ARHGAP26: variants seen among roughly 807,000 people sequenced by gnomAD.
ARHGAP26 encodes the protein Rho GTPase activating protein 26, also known as rho GTPase-activating protein 26.
In ARHGAP26, 38 loss-of-function variants were observed where a neutral mutation model predicts 104.8. The observed-to-expected ratio is 0.36, with a 90% CI of 0.28 to 0.48. The LOEUF (loss-of-function observed/expected upper bound fraction) is 0.48. Among genes scored for constraint, ARHGAP26 ranks in the 20% least tolerant of loss-of-function variants. The pLI, the probability that ARHGAP26 is intolerant of heterozygous loss-of-function variation, is 0.99. For synonymous variants in ARHGAP26, 341 were observed against 340.0 expected, an observed-to-expected ratio of 1.00 and a Z score of -0.03; for missense variants, 704 against 947.9, an observed-to-expected ratio of 0.74 and a Z score of 3.38.
intron 1 of ARHGAP26, among the ~76,000 whole-genome samples, chr5:142,811,468 G>C (rs1399217782): frequency 6.6e-6 from 1 of 152,114 alleles, no homozygotes; most frequent in Non-Finnish European, 1.5e-5. Context: ...TTCCAATCCT[G>C]GCCTGTCCGT....
chr5:142,881,339 G>A (rs1756971960), intron 4 of ARHGAP26, among the ~76,000 whole-genome samples: 3 of 152,182 alleles, frequency 2.0e-5, no homozygotes, highest in Admixed American at 2.0e-4. Flanking sequence ...TTACCAAGGA[G>A]GTGAGGCAAG....
At chr5:142,947,632 T>G (rs1224757778) in intron 11 of ARHGAP26, among the ~76,000 whole-genome samples, 1 of 152,218 alleles carries the variant, frequency 6.6e-6, no homozygotes, top group Non-Finnish European at 1.5e-5. Flanking sequence ...CACCTATTAC[T>G]CACTGAATTA....
At chr5:142,962,817 A>G (rs1393128561) in intron 11 of ARHGAP26, among the ~76,000 whole-genome samples, 1 of 151,996 alleles carries the variant, frequency 6.6e-6, no homozygotes, top group East Asian at 1.9e-4. Flanking sequence ...CTTTTATTTT[A>G]AGTTCAGGGG....
At chr5:142,808,966 C>T (rs1763558868) in intron 1 of ARHGAP26, among the ~76,000 whole-genome samples, 1 of 152,212 alleles carries the variant, frequency 6.6e-6, no homozygotes, top group Non-Finnish European at 1.5e-5. Context: ...TACTCTGGCA[C>T]CTTGCCCATC....
chr5:142,881,992 C>G (rs1319623941), intron 4 of ARHGAP26, among the ~76,000 whole-genome samples: 2 of 152,142 alleles, frequency 1.3e-5, no homozygotes, highest in African/African-American at 2.4e-5. Flanking sequence ...GAGTAGGGCA[C>G]GACCCCTGGT....
intron 18 of ARHGAP26, among the ~76,000 whole-genome samples, chr5:143,126,965 T>C (rs1046974121): frequency 1.3e-5 from 2 of 152,230 alleles, no homozygotes; most frequent in African/African-American, 4.8e-5. Flanking sequence ...GCAACCAATA[T>C]TTTTATGCTT....
chr5:142,786,583 A>G (rs1390074611), intron 1 of ARHGAP26, among the ~76,000 whole-genome samples: 1 of 151,632 alleles, frequency 6.6e-6, no homozygotes, highest in East Asian at 1.9e-4. Context: ...CATCCCTGAT[A>G]TCTCAGTTAT....
intron 11 of ARHGAP26, among the ~76,000 whole-genome samples, chr5:143,007,109 C>T (rs1394550782): frequency 4.0e-5 from 6 of 149,296 alleles, no homozygotes; most frequent in Middle Eastern, 3.2e-3. Context: ...ACAGGTGAAT[C>T]GCTTGAACCC....
intron 11 of ARHGAP26, among the ~76,000 whole-genome samples, chr5:142,945,825 A>G (rs893881938): frequency 6.6e-6 from 1 of 152,218 alleles, no homozygotes; most frequent in Non-Finnish European, 1.5e-5. Context: ...ATTATTATCT[A>G]TTTTACAAGT....
At chr5:142,982,038 A>C (rs1408057834) in intron 11 of ARHGAP26, among the ~76,000 whole-genome samples, 1 of 152,342 alleles carries the variant, frequency 6.6e-6, no homozygotes, top group East Asian at 1.9e-4. Flanking sequence ...CTGCTGCTGC[A>C]TGTAAGCTAG....
chr5:142,844,714 G>A (rs1405374286), intron 1 of ARHGAP26, among the ~76,000 whole-genome samples: 2 of 151,942 alleles, frequency 1.3e-5, no homozygotes, highest in African/African-American at 4.8e-5. Context: ...AATTAGCCGG[G>A]CCTGGTGGTG....
intron 11 of ARHGAP26, among the ~76,000 whole-genome samples, chr5:142,986,424 G>C (rs1304425076): frequency 7.9e-5 from 12 of 152,106 alleles, no homozygotes; most frequent in Non-Finnish European, 1.6e-4. Context: ...TGTCAGATGG[G>C]TAGATTGTAA....
rs1770567184 is a variant in ARHGAP26, at chr5:142,963,164, G to GAGA, written c.1107+31039_1107+31040insAGA. ...TTTTATGGCTGTGTAGTATTCCATG[G>GAGA]TATATATGTATATATATATATATAT... is the stretch of plus-strand genomic sequence containing the variant. On this transcript the variant is annotated intron_variant, in intron 11 of 22. Transcript: ENST00000645722. 2.6e-5 allele frequency among the ~76,000 whole-genome samples: 2 copies of GAGA among 75,506 alleles called. 1 individual carries two copies. Among genetic ancestry groups the GAGA allele is most frequent in the South Asian group, 1.3e-3 (2 of 1,594 alleles). 49.5% of individuals were successfully genotyped at this position (75,506 alleles called of 152,430 possible). A position where few individuals can be genotyped will look rare whatever the true frequency, so the allele number is the denominator to read the frequency against.
At chr5:142,776,338 G>C (rs760583376) in intron 1 of ARHGAP26, among the ~76,000 whole-genome samples, 24 of 152,100 alleles carry the variant, frequency 1.6e-4, no homozygotes, top group Non-Finnish European at 3.4e-4. Context: ...CATCATCCTA[G>C]TCCTGTTTTA....
chr5:142,941,817 C>T (rs536794629), intron 11 of ARHGAP26, among the ~76,000 whole-genome samples: 35 of 152,106 alleles, frequency 2.3e-4, no homozygotes, highest in Non-Finnish European at 3.7e-4. Flanking sequence ...ATGAAATTTT[C>T]TAAGAAATGG....
chr5:143,067,583 G>C (rs1189278468), intron 17 of ARHGAP26, among the ~76,000 whole-genome samples: 2 of 152,146 alleles, frequency 1.3e-5, no homozygotes, highest in African/African-American at 4.8e-5. Flanking sequence ...TCTTCCAGCA[G>C]TTTAGCATCC....
chr5:142,777,646 C>T (rs62383266), intron 1 of ARHGAP26, among the ~76,000 whole-genome samples: 2,660 of 152,206 alleles, frequency 0.017, 33 homozygotes, highest in Non-Finnish European at 0.026. Context: ...TCAGGAAATA[C>T]GGAGACCCTG....
intron 11 of ARHGAP26, among the ~76,000 whole-genome samples, chr5:143,008,334 T>C (rs1155433): frequency 0.57 from 87,265 of 152,160 alleles, 28,677 homozygotes; most frequent in Non-Finnish European, 0.75. Context: ...TACAAATCTG[T>C]CGCCACTGAC....
At chr5:142,903,984 A>G (rs1760739284) in intron 8 of ARHGAP26, among the ~76,000 whole-genome samples, 1 of 152,100 alleles carries the variant, frequency 6.6e-6, no homozygotes, top group Middle Eastern at 3.2e-3. Context: ...CCCTGAGCAT[A>G]GCAGCCTTGG....
Sources: allele counts gnomAD v4.1 joint callset (sites outside exome capture counted in the v4.1 genomes callset), GRCh38; gene constraint gnomAD v4.1.1; transcripts MANE v1.5; gene names NCBI Gene and HGNC (gene_info 2026-07-23, HGNC 2026-07-21).